Variants in ZNF532 observed in about 807,000 individuals in gnomAD.
ZNF532 encodes the protein zinc finger protein 532.
Under a neutral mutation model 89.3 loss-of-function variants are expected in ZNF532, and 22 were observed. That is an observed-to-expected ratio of 0.25 (90% CI 0.18 to 0.35). ZNF532 has a LOEUF of 0.35. ZNF532 is among the 10% of genes least tolerant of loss of function. The pLI is 1.00. For synonymous variants in ZNF532, 606 were observed against 649.6 expected (o/e 0.93, Z 1.02); for missense variants, 1,132 against 1,643.4 (o/e 0.69, Z 5.38).
chr18:58,871,001 A>C (rs17065316), intron 2 of ZNF532, among the ~76,000 whole-genome samples: 65,033 of 151,862 alleles, frequency 0.43, 15,670 homozygotes, highest in African/African-American at 0.64. Flanking sequence ...AATGAACATA[A>C]AACAGAGAGG....
chr18:58,904,420 A>T (rs1486022527), intron 2 of ZNF532, among the ~76,000 whole-genome samples: 1 of 151,988 alleles, frequency 6.6e-6, no homozygotes, highest in Non-Finnish European at 1.5e-5. Context: ...TACCATGATT[A>T]AAAAAAGCTA....
chr18:58,984,276 G>A lies in ZNF532; in HGVS notation c.3716G>A (p.Gly1239Glu), dbSNP rs1328087156. The A allele has an allele frequency of 6.2e-7, 1 of 1,611,826 alleles. No individual in the cohort carries two copies. The highest frequency in any genetic ancestry group is 8.5e-7 in the Non-Finnish European group (1 of 1,179,858). ...KEPQPVSKQN[G>E]AGEDNQQENK... Reference sequence around the variant, plus strand: ...CCTCAGCCAGTGTCCAAGCAAAATGGGGCTGGGGAAGATAACCAACAGGAG... The same window carrying A: ...CCTCAGCCAGTGTCCAAGCAAAATGAGGCTGGGGAAGATAACCAACAGGAG... The change falls in exon 10 of 10, where the codon GGG (glycine) becomes GAG (glutamate). Residue 1239 changes from glycine to glutamate, a missense_variant. This residue lies in a region of ZNF532 where 415 missense variants were observed against 604.8 expected (regional missense o/e 0.69). Transcript: ENST00000591808.
At chr18:58,947,491 CAGT>C (rs2063766943) in intron 5 of ZNF532, among the ~76,000 whole-genome samples, 1 of 152,162 alleles carries the variant, frequency 6.6e-6, no homozygotes, top group South Asian at 2.1e-4. Context: ...GTTGAAATAA[CAGT>C]GGTATCGATT....
intron 8 of ZNF532, chr18:58,981,117 C>G (rs545935038): frequency 4.2e-6 from 1 of 239,128 alleles, no homozygotes; most frequent in Non-Finnish European, 8.1e-6. Context: ...GCTGGACACT[C>G]ATGTCTTTGT....
Position 58,919,978 on chromosome 18 carries a change from C to T in ZNF532, c.1691C>T (p.Pro564Leu). The T allele has an allele frequency of 6.2e-7, 1 of 1,613,754 alleles. No individual in the cohort carries two copies. Among genetic ancestry groups the T allele is most frequent in the Non-Finnish European group, 8.5e-7 (1 of 1,179,794 alleles). The change falls in exon 3 of 10, where the codon CCC (proline) becomes CTC (leucine). Residue 564 changes from proline to leucine, a missense_variant. Pro to Leu is a moderately conservative substitution (Grantham distance 98, BLOSUM62 -3). Coordinates refer to ENST00000591808, the MANE Select transcript of ZNF532 (RefSeq NM_001375912.1). The surrounding 1 kb of genome is among the most constrained non-coding windows in gnomAD (Gnocchi z 6.1). ...ATCAATGCAGCAGCCTCGCAACCCC[C>T]CAAAAAGGTGTCTCGAGTCCAGGTG... The part of the protein sequence containing the change: ...AIINAAASQP[P>L]KKVSRVQVVS...
chr18:58,959,098 T>C (rs1446399217), intron 7 of ZNF532, among the ~76,000 whole-genome samples: 2 of 152,192 alleles, frequency 1.3e-5, no homozygotes, highest in Admixed American at 1.3e-4. Flanking sequence ...ACACAATCTG[T>C]GATAATTGTA....
intron 2 of ZNF532, among the ~76,000 whole-genome samples, chr18:58,877,433 A>G (rs12458842): frequency 0.21 from 31,352 of 152,080 alleles, 5,610 homozygotes; most frequent in East Asian, 0.56. Flanking sequence ...AATTTTACTT[A>G]GTGGGTTTAT....
intron 7 of ZNF532, chr18:58,977,581 C>T (rs911555710): frequency 5.3e-5 from 8 of 152,266 alleles, no homozygotes; most frequent in African/African-American, 1.9e-4. Flanking sequence ...CATGGTGGCT[C>T]ACGCCTATAA....
chr18:58,946,475 G>A (rs767396972), intron 5 of ZNF532, among the ~76,000 whole-genome samples: 1 of 151,916 alleles, frequency 6.6e-6, no homozygotes, highest in Non-Finnish European at 1.5e-5. Flanking sequence ...GTTTCGCCCT[G>A]TTGCCCAAGC....
chr18:58,884,544 C>T (rs939126920), intron 2 of ZNF532, among the ~76,000 whole-genome samples: 2 of 152,180 alleles, frequency 1.3e-5, no homozygotes, highest in Non-Finnish European at 2.9e-5. Flanking sequence ...TGAAGTTATT[C>T]TTTTTCTATA....
intron 7 of ZNF532, chr18:58,977,544 G>T (rs2067199250): frequency 6.6e-6 from 1 of 152,160 alleles, no homozygotes; most frequent in African/African-American, 2.4e-5. Flanking sequence ...ATGGGAAAAT[G>T]ATTTTTAAAA....
intron 4 of ZNF532, among the ~76,000 whole-genome samples, chr18:58,936,761 C>T (rs930676838): frequency 2.6e-5 from 4 of 152,182 alleles, no homozygotes; most frequent in South Asian, 4.1e-4. Context: ...CAATTTTAAA[C>T]GTAATTCTTT....
intron 7 of ZNF532, chr18:58,977,389 A>G (rs1001561810): frequency 6.6e-5 from 10 of 152,272 alleles, no homozygotes; most frequent in African/African-American, 2.4e-4. Flanking sequence ...GGGAGTGGAC[A>G]TTCACGTGGG....
At chr18:58,938,462 A>G (rs369296087) in intron 4 of ZNF532, among the ~76,000 whole-genome samples, 11 of 152,380 alleles carry the variant, frequency 7.2e-5, no homozygotes, top group Middle Eastern at 3.4e-3. Context: ...TGAGATTACT[A>G]GAAATTCATA....
At chr18:58,864,434 CAT>C (rs2056256757), upstream of ZNF532, 1 of 152,248 alleles carries the variant, frequency 6.6e-6, no homozygotes, top group African/African-American at 2.4e-5. Flanking sequence ...AGCAGACACA[CAT>C]AGCTCGCTTT....
At chr18:58,865,985 G>T (rs1452889230) in intron 2 of ZNF532, among the ~76,000 whole-genome samples, 3 of 152,222 alleles carry the variant, frequency 2.0e-5, no homozygotes, top group Non-Finnish European at 2.9e-5. Context: ...GATTTGAGGA[G>T]TCTGAAGGTA....
intron 6 of ZNF532, among the ~76,000 whole-genome samples, chr18:58,949,654 C>A (rs183221290): frequency 4.2e-4 from 64 of 152,202 alleles, no homozygotes; most frequent in Middle Eastern, 3.4e-3. Context: ...CCAGCCTGGG[C>A]GACAGAGCAA....
intron 3 of ZNF532, 33 bp from the exon 4 acceptor site, chr18:58,934,400 G>T: frequency 6.2e-7 from 1 of 1,602,398 alleles, no homozygotes; most frequent in Non-Finnish European, 8.5e-7. Context: ...TACTTAGTAG[G>T]ACCAACCCTG....
rs1269525229 is a variant in ZNF532, at chr18:58,941,071, C to A, written c.2705+1450C>A. On this transcript the variant is annotated intron_variant, in intron 5 of 9. Coordinates refer to ENST00000591808, the MANE Select transcript of ZNF532 (RefSeq NM_001375912.1). The stretch of plus-strand genomic sequence containing the variant: ...GTGACTGTTTTATCAAAAAAAAAAA[C>A]ATGTTGAAGTTAAATTTTATTTTAG... 8.1e-5 allele frequency among the ~76,000 whole-genome samples: 12 copies of A among 147,782 alleles called. No individual in the cohort carries two copies. The East Asian group carries it at 2.3e-3, about 28-fold the overall frequency.
Sources: allele counts gnomAD v4.1 joint callset (sites outside exome capture counted in the v4.1 genomes callset), GRCh38; gene constraint gnomAD v4.1.1; regional missense constraint gnomAD v4.1.1; non-coding constraint Gnocchi (gnomAD v3.1); transcripts MANE v1.5; gene names NCBI Gene and HGNC (gene_info 2026-07-23, HGNC 2026-07-21).